The following GRM1 variants were observed in gnomAD, a reference collection of about 807,000 sequenced individuals.
The protein encoded by GRM1 is glutamate metabotropic receptor 1, also known as metabotropic glutamate receptor 1.
In GRM1, 33 loss-of-function variants were observed where a neutral mutation model predicts 90.9. The ratio of observed to expected loss-of-function variants is 0.36; its 90% CI spans 0.28 to 0.49. The LOEUF (loss-of-function observed/expected upper bound fraction) is 0.49, where lower values mean the gene tolerates loss of function less well. Ranked by LOEUF, GRM1 falls within the 20% of genes least tolerant of loss-of-function variation. The pLI is 0.99. For synonymous variants in GRM1, 700 were observed against 613.2 expected, an observed-to-expected ratio of 1.14 and a Z score of -2.09; for missense variants, 1,190 against 1,534.3, an observed-to-expected ratio of 0.78 and a Z score of 3.75.
chr6:146,355,115 T>C (rs1452511448), intron 4 of GRM1, among the ~76,000 whole-genome samples: 4 of 152,224 alleles, frequency 2.6e-5, no homozygotes, highest in African/African-American at 9.6e-5. Context: ...CTTCTTTGTA[T>C]GTGAGAAGCT....
intron 7 of GRM1, among the ~76,000 whole-genome samples, chr6:146,409,233 C>G (rs1014162450): frequency 1.3e-5 from 2 of 152,094 alleles, no homozygotes; most frequent in Non-Finnish European, 2.9e-5. Flanking sequence ...TTCGTGAGCA[C>G]GCATGGTGAG....
intron 2 of GRM1, among the ~76,000 whole-genome samples, chr6:146,279,240 GTC>G (rs953858747): frequency 3.3e-5 from 5 of 150,954 alleles, no homozygotes; most frequent in African/African-American, 7.4e-5. Context: ...TCTGCTCTCT[GTC>G]TCTCTCTTTC....
intron 2 of GRM1, among the ~76,000 whole-genome samples, chr6:146,189,250 A>G (rs117507064): frequency 1.3e-5 from 2 of 152,068 alleles, no homozygotes; most frequent in Admixed American, 1.3e-4. Flanking sequence ...TTCCTATGCA[A>G]TGGACTATTT....
chr6:146,205,136 G>A (rs997127898), intron 2 of GRM1, among the ~76,000 whole-genome samples: 2 of 152,012 alleles, frequency 1.3e-5, no homozygotes, highest in East Asian at 1.9e-4. Context: ...GATAGTTTGG[G>A]GTTCAATTGA....
At chr6:146,129,365 A>G (rs909771617) in intron 1 of GRM1, among the ~76,000 whole-genome samples, 1 of 152,162 alleles carries the variant, frequency 6.6e-6, no homozygotes, top group African/African-American at 2.4e-5. Flanking sequence ...GCAGTGTTTC[A>G]TTAAACAAGA....
intron 2 of GRM1, among the ~76,000 whole-genome samples, chr6:146,288,234 T>C (rs964983268): frequency 7.2e-5 from 11 of 152,138 alleles, no homozygotes; most frequent in African/African-American, 2.7e-4. Flanking sequence ...CAAGTCATCA[T>C]GAGCAGATAG....
intron 1 of GRM1, among the ~76,000 whole-genome samples, chr6:146,068,651 C>T (rs1190329395): frequency 6.6e-6 from 1 of 152,098 alleles, no homozygotes; most frequent in Non-Finnish European, 1.5e-5. Flanking sequence ...ATAATAATTG[C>T]TACAAACCTA....
Position 146,436,746 on chromosome 6 carries a change from C to T in GRM1, c.*1950C>T, listed in dbSNP as rs964168699. ...TCTATTATTTGTGGAATGAATTATA[C>T]CCCCCTTAAATATCTTTGTTTATGC... On this transcript the variant is annotated 3_prime_UTR_variant, in exon 8 of 8. Transcript: ENST00000282753. 2 of 152,594 alleles carry T rather than the reference C, an allele frequency of 1.3e-5. No individual in the cohort carries two copies. Among genetic ancestry groups the T allele is most frequent in the South Asian group, 2.1e-4 (1 of 4,824 alleles). The allele number at this position is 152,594 out of a possible 1,614,324, so 9.5% of individuals were successfully genotyped here. A position where few individuals can be genotyped will look rare whatever the true frequency, so the allele number is the denominator to read the frequency against.
Position 146,398,780 on chromosome 6 carries a change from A to G in GRM1, c.1741A>G (p.Ile581Val). ...PNADLTGCEP[I>V]PVRYLEWSNI... Reference sequence around the variant, plus strand: ...TTTTCTCATCACAGGCTGTGAGCCCATTCCTGTGCGCTATCTTGAGTGGAG... The same window carrying G: ...TTTTCTCATCACAGGCTGTGAGCCCGTTCCTGTGCGCTATCTTGAGTGGAG... The change falls in exon 7 of 8, where the codon ATT (isoleucine) becomes GTT (valine). Residue 581 changes from isoleucine (I) to valine (V), a missense_variant. Around this residue, in one of 10 missense-constraint regions of GRM1, gnomAD observed 414 missense variants for 598.4 expected, o/e 0.69. Coordinates refer to ENST00000282753, the MANE Select transcript of GRM1 (RefSeq NM_001278064.2). 1 of 1,609,950 alleles carries G rather than the reference A, an allele frequency of 6.2e-7. No individual in the cohort carries two copies. Among genetic ancestry groups the G allele is most frequent in the South Asian group, 1.1e-5 (1 of 91,004 alleles).
intron 3 of GRM1, among the ~76,000 whole-genome samples, chr6:146,328,662 A>G (rs910853726): frequency 2.0e-5 from 3 of 152,152 alleles, no homozygotes; most frequent in Non-Finnish European, 4.4e-5. Context: ...TCTATCTTCT[A>G]TATCACAATT....
chr6:146,235,635 A>G (rs1319472580), intron 2 of GRM1, among the ~76,000 whole-genome samples: 1 of 147,056 alleles, frequency 6.8e-6, no homozygotes, highest in Non-Finnish European at 1.5e-5. Context: ...TTACAATTTT[A>G]CCTTCAATTT....
At chr6:146,409,639 A>G (rs1777487494) in intron 7 of GRM1, among the ~76,000 whole-genome samples, 1 of 152,230 alleles carries the variant, frequency 6.6e-6, no homozygotes, top group Admixed American at 6.5e-5. Flanking sequence ...GTTAATAAAA[A>G]TACATTTTAA....
chr6:146,126,872 G>C (rs777985480), intron 1 of GRM1, among the ~76,000 whole-genome samples: 1 of 152,190 alleles, frequency 6.6e-6, no homozygotes. Context: ...GAACTTAATA[G>C]CTGTAGTGTG....
chr6:146,065,594 T>C (rs951499367), intron 1 of GRM1, among the ~76,000 whole-genome samples: 1 of 152,158 alleles, frequency 6.6e-6, no homozygotes, highest in African/African-American at 2.4e-5. Context: ...GTACCCTATA[T>C]AAACTACATA....
intron 3 of GRM1, among the ~76,000 whole-genome samples, chr6:146,313,864 T>A (rs1783860718): frequency 6.6e-6 from 1 of 152,034 alleles, no homozygotes; most frequent in Admixed American, 6.6e-5. Context: ...CTACCCCTCT[T>A]CATCCCATCC....
intron 2 of GRM1, among the ~76,000 whole-genome samples, chr6:146,203,406 T>TCCA (rs1779389326): frequency 6.6e-6 from 1 of 152,018 alleles, no homozygotes; most frequent in Admixed American, 6.6e-5. Context: ...GTCCTCTGTT[T>TCCA]CCAGCTAGCA....
chr6:146,288,189 C>T (rs1448427393), intron 2 of GRM1, among the ~76,000 whole-genome samples: 1 of 152,038 alleles, frequency 6.6e-6, no homozygotes, highest in Non-Finnish European at 1.5e-5. Flanking sequence ...TTAAGGAGTA[C>T]TCTGGAGGGT....
At chr6:146,372,898 T>A (rs190666511) in intron 5 of GRM1, among the ~76,000 whole-genome samples, 14 of 152,190 alleles carry the variant, frequency 9.2e-5, no homozygotes, top group Admixed American at 5.9e-4. Context: ...TAATGAAATG[T>A]GGTTTCTCCA....
At chr6:146,150,691 C>A (rs1777290968) in intron 1 of GRM1, among the ~76,000 whole-genome samples, 1 of 152,154 alleles carries the variant, frequency 6.6e-6, no homozygotes, top group African/African-American at 2.4e-5. Flanking sequence ...CATTAACCAA[C>A]CCCTCTTTAT....
Sources: allele counts gnomAD v4.1 joint callset (sites outside exome capture counted in the v4.1 genomes callset), GRCh38; gene constraint gnomAD v4.1.1; regional missense constraint gnomAD v4.1.1; transcripts MANE v1.5; gene names NCBI Gene and HGNC (gene_info 2026-07-23, HGNC 2026-07-21).